MLPH: variants seen among roughly 807,000 people sequenced by gnomAD.
MLPH encodes melanophilin, also known as exophilin-3.
Under a neutral mutation model 72.1 loss-of-function variants are expected in MLPH, and 51 were observed. The observed-to-expected ratio is 0.71, with a 90% CI of 0.56 to 0.89. The LOEUF (loss-of-function observed/expected upper bound fraction) is 0.89. Ranked by LOEUF, MLPH falls within the 40% of genes least tolerant of loss-of-function variation. MLPH has a pLI of 0.00. For synonymous variants in MLPH, 301 were observed against 310.1 expected, an observed-to-expected ratio of 0.97 and a Z score of 0.31; for missense variants, 743 against 759.9, an observed-to-expected ratio of 0.98 and a Z score of 0.26.
chr2:237,517,056 G>A (rs548541741), intron 4 of MLPH, among the ~76,000 whole-genome samples: 2 of 110,292 alleles, frequency 1.8e-5, no homozygotes, highest in South Asian at 2.5e-4. Flanking sequence ...TAAGTGGATG[G>A]GTGGATGGAT....
chr2:237,538,253 G>A (rs2080581869), intron 9 of MLPH, among the ~76,000 whole-genome samples: 1 of 152,220 alleles, frequency 6.6e-6, no homozygotes, highest in Admixed American at 6.5e-5. Flanking sequence ...TGCGTCTGCT[G>A]AAGGGAACTC....
chr2:237,546,978 C>CA (rs1267480240), intron 13 of MLPH, among the ~76,000 whole-genome samples: 1 of 152,238 alleles, frequency 6.6e-6, no homozygotes, highest in African/African-American at 2.4e-5. Flanking sequence ...TGACATGAAG[C>CA]AAACCCACAC....
intron 6 of MLPH, among the ~76,000 whole-genome samples, chr2:237,525,232 A>G (rs2080276744): frequency 6.6e-6 from 1 of 152,106 alleles, no homozygotes; most frequent in African/African-American, 2.4e-5. Context: ...CCTTCTCCCA[A>G]AAATATTAAC....
At chr2:237,519,648 C>G (rs1292019026) in intron 5 of MLPH, among the ~76,000 whole-genome samples, 1 of 152,182 alleles carries the variant, frequency 6.6e-6, no homozygotes, top group Non-Finnish European at 1.5e-5. Flanking sequence ...GCTCAGTGTT[C>G]CTTCAGCTCA....
chr2:237,546,025 A>G (rs971052819), intron 12 of MLPH, among the ~76,000 whole-genome samples: 2 of 152,206 alleles, frequency 1.3e-5, no homozygotes, highest in South Asian at 2.1e-4. Context: ...GCTTTTATAC[A>G]TCTTAGGGGG....
intron 1 of MLPH, among the ~76,000 whole-genome samples, chr2:237,490,326 CT>C (rs2079404261): frequency 6.7e-6 from 1 of 149,866 alleles, no homozygotes; most frequent in Non-Finnish European, 1.5e-5. Flanking sequence ...AGGACCTCAT[CT>C]AAAAAAAAAA....
intron 6 of MLPH, among the ~76,000 whole-genome samples, chr2:237,524,310 T>C (rs1214349311): frequency 6.9e-6 from 1 of 145,538 alleles, no homozygotes; most frequent in Admixed American, 6.7e-5. Context: ...AGAATATATA[T>C]ATATATATAT....
chr2:237,552,434 C>T lies in MLPH; in HGVS notation c.1773C>T (p.Phe591=), dbSNP rs139682271. The T allele has an allele frequency of 6.4e-4, 1,034 of 1,613,654 alleles. 13 individuals carry two copies. In the Admixed American group the frequency reaches 0.016, roughly 24 times the overall value. Residue 591 remains phenylalanine, a synonymous_variant, in exon 15 of 16, where the codon TTC becomes TTT. Transcript: ENST00000264605. ...NARKGMASHT[F]AKPVVAHQS ...GGAAAGGAATGGCCAGCCACACCTTCGCGGTAAAGTTTTCTCTCATTCTCT... is the reference window on the plus strand; with the variant it reads ...GGAAAGGAATGGCCAGCCACACCTTTGCGGTAAAGTTTTCTCTCATTCTCT...
At chr2:237,514,289 G>A (rs1365939349) in intron 4 of MLPH, among the ~76,000 whole-genome samples, 1 of 151,980 alleles carries the variant, frequency 6.6e-6, no homozygotes, top group African/African-American at 2.4e-5. Flanking sequence ...TTTAGAGATG[G>A]GTTCTCACTA....
chr2:237,512,798 C>A lies in MLPH; in HGVS notation c.445+1697C>A. On this transcript the variant is annotated intron_variant, in intron 4 of 15. Transcript: ENST00000264605. The surrounding 1 kb of genome is among the most constrained non-coding windows in gnomAD (Gnocchi z 5.5). ...CAACCCCAGAGGCAGTCTTTAGGGACTGGGGTGGGCTCAGGAAGCTGTATT... is the reference window on the plus strand; with the variant it reads ...CAACCCCAGAGGCAGTCTTTAGGGAATGGGGTGGGCTCAGGAAGCTGTATT... Among the ~76,000 whole-genome samples, 1 of 152,130 alleles carries A rather than the reference C, an allele frequency of 6.6e-6. No individual in the cohort carries two copies. Among genetic ancestry groups the A allele is most frequent in the East Asian group, 1.9e-4 (1 of 5,194 alleles).
intron 4 of MLPH, 78 bp downstream of exon 4, chr2:237,511,179 C>T (rs2079893274): frequency 2.7e-6 from 3 of 1,121,964 alleles, no homozygotes; most frequent in African/African-American, 1.5e-5. Context: ...TTGGAGTGTG[C>T]ATGTGTGTGT....
At chr2:237,533,080 G>A (rs570779004) in intron 8 of MLPH, among the ~76,000 whole-genome samples, 5 of 152,218 alleles carry the variant, frequency 3.3e-5, no homozygotes, top group Admixed American at 6.5e-5. Flanking sequence ...CATCATAACC[G>A]GGAGACCACT....
At chr2:237,552,117 T>G in intron 14 of MLPH, 1 of 526,780 alleles carries the variant, frequency 1.9e-6, no homozygotes, top group East Asian at 3.3e-5. Flanking sequence ...AGAATGTTAA[T>G]GCCAGTGCCA....
chr2:237,515,275 A>T (rs566195945), intron 4 of MLPH, among the ~76,000 whole-genome samples: 1 of 152,170 alleles, frequency 6.6e-6, no homozygotes, highest in African/African-American at 2.4e-5. Flanking sequence ...GCTTTGGAAG[A>T]TGCGTCGGTG....
chr2:237,546,590 C>T lies in MLPH; in HGVS notation c.1540-16C>T, dbSNP rs369166945. 1 of 1,613,058 alleles carries T rather than the reference C, an allele frequency of 6.2e-7. No homozygotes were observed. The highest frequency in any genetic ancestry group is 8.5e-7 in the Non-Finnish European group (1 of 1,179,022). On this transcript the variant is annotated splice_polypyrimidine_tract_variant and intron_variant, in intron 12 of 15. Transcript: ENST00000264605. ...GGAGGTTCAACAATAACATAAGTCT[C>T]TTCTTTGCCCTCCAGATATTTCTCC...
chr2:237,542,540 G>T, intron 11 of MLPH, 27 bp from the exon 12 acceptor site: 1 of 1,557,148 alleles, frequency 6.4e-7, no homozygotes, highest in South Asian at 1.2e-5. Flanking sequence ...CTGTCTGACG[G>T]GCCTTCTGTC....
chr2:237,549,442 C>T (rs2080987985), intron 14 of MLPH, among the ~76,000 whole-genome samples, 164 bp downstream of exon 14: 1 of 152,290 alleles, frequency 6.6e-6, no homozygotes, highest in East Asian at 1.9e-4. Context: ...CCCTCAGGAC[C>T]CAGCAAGTTG....
intron 2 of MLPH, among the ~76,000 whole-genome samples, chr2:237,509,090 G>A (rs2079836987): frequency 6.6e-6 from 1 of 152,166 alleles, no homozygotes; most frequent in Non-Finnish European, 1.5e-5. Flanking sequence ...GATACGTCCT[G>A]GAGTGGCTGG....
rs371050245 is a variant in MLPH, at chr2:237,534,578, T to A, written c.1035T>A (p.Asn345Lys). ...ASSESQIFEL[N>K]KHISAVECLL... The stretch of plus-strand genomic sequence containing the variant: ...TTCTGCTGCAGATCTTTGAGCTGAA[T>A]AAGCATATTTCAGCTGTGGAATGCC... The change falls in exon 9 of 16, where the codon AAT becomes AAA. Residue 345 changes from asparagine to lysine, a missense_variant. Transcript: ENST00000264605. 1 of 1,613,694 alleles carries A rather than the reference T, an allele frequency of 6.2e-7. No homozygotes were observed. The highest frequency in any genetic ancestry group is 8.5e-7 in the Non-Finnish European group (1 of 1,179,700).
Sources: gnomAD v4.1 joint callset for allele counts (sites outside exome capture counted in the v4.1 genomes callset) on GRCh38, gnomAD v4.1.1 for gene constraint, Gnocchi (gnomAD v3.1) non-coding constraint, MANE v1.5 for transcripts, NCBI Gene and HGNC (gene_info 2026-07-23, HGNC 2026-07-21) for gene names.